ELMO1: variants seen among roughly 807,000 people sequenced by gnomAD.
ELMO1 encodes engulfment and cell motility protein 1.
ELMO1 carries 26 observed loss-of-function variants against 98.9 expected under a neutral mutation model. The observed-to-expected ratio is 0.26, with a 90% CI of 0.19 to 0.36. ELMO1 has a LOEUF of 0.36. Ranked by LOEUF, ELMO1 falls within the 10% of genes least tolerant of loss-of-function variation. The probability of loss-of-function intolerance (pLI) is 1.00; values close to 1 mark genes in which losing one functional copy is unlikely to be tolerated. For missense variants in ELMO1, 627 were observed against 935.2 expected, an observed-to-expected ratio of 0.67 and a Z score of 4.30; for synonymous variants, 346 against 346.0, an observed-to-expected ratio of 1.00 and a Z score of 0.00.
chr7:37,434,161 T>C (rs1431918584), intron 1 of ELMO1, among the ~76,000 whole-genome samples: 3 of 152,214 alleles, frequency 2.0e-5, no homozygotes, highest in Non-Finnish European at 2.9e-5. Flanking sequence ...GGTTCAAACC[T>C]GGGCGATAAG....
intron 2 of ELMO1, among the ~76,000 whole-genome samples, chr7:37,338,134 C>G (rs1452566689): frequency 6.6e-6 from 1 of 152,160 alleles, no homozygotes; most frequent in African/African-American, 2.4e-5. Context: ...ATTGAGGAAT[C>G]ACTCTAAGCT....
intron 6 of ELMO1, among the ~76,000 whole-genome samples, chr7:37,249,049 T>C (rs1795175660): frequency 6.6e-6 from 1 of 152,238 alleles, no homozygotes; most frequent in African/African-American, 2.4e-5. Context: ...CAGCCCTCAG[T>C]AACGTACATT....
At chr7:37,432,700 C>A (rs917806692) in intron 1 of ELMO1, among the ~76,000 whole-genome samples, 1 of 152,202 alleles carries the variant, frequency 6.6e-6, no homozygotes, top group Non-Finnish European at 1.5e-5. Context: ...AAATCCCAAC[C>A]CCCAATGTGT....
intron 1 of ELMO1, among the ~76,000 whole-genome samples, chr7:37,365,949 A>G (rs1309419476): frequency 6.6e-6 from 1 of 152,228 alleles, no homozygotes; most frequent in African/African-American, 2.4e-5. Context: ...CTACATTAAT[A>G]AGAAAATATC....
intron 13 of ELMO1, among the ~76,000 whole-genome samples, chr7:37,154,911 G>C (rs987853871): frequency 6.6e-6 from 1 of 152,302 alleles, no homozygotes; most frequent in African/African-American, 2.4e-5. Context: ...GGCAGCCAGA[G>C]AGAAAGGTCA....
At chr7:36,947,877 C>G (rs1260224147) in intron 16 of ELMO1, among the ~76,000 whole-genome samples, 1 of 152,164 alleles carries the variant, frequency 6.6e-6, no homozygotes, top group Non-Finnish European at 1.5e-5. Flanking sequence ...GATTCTTTTC[C>G]TGGCTGACTC....
chr7:37,098,906 C>T (rs1010877453), intron 14 of ELMO1, among the ~76,000 whole-genome samples: 1 of 152,198 alleles, frequency 6.6e-6, no homozygotes, highest in Admixed American at 6.5e-5. Flanking sequence ...TTTTCCTCGG[C>T]TCCCAGCTTC....
intron 1 of ELMO1, among the ~76,000 whole-genome samples, chr7:37,347,742 T>C (rs1227196871): frequency 6.6e-6 from 1 of 152,112 alleles, no homozygotes; most frequent in Non-Finnish European, 1.5e-5. Flanking sequence ...ATTAGCAGCA[T>C]GCAAACGGAC....
intron 16 of ELMO1, among the ~76,000 whole-genome samples, chr7:36,937,511 C>A (rs576320978): frequency 6.6e-6 from 1 of 152,200 alleles, no homozygotes; most frequent in Non-Finnish European, 1.5e-5. Context: ...AACTATGAGA[C>A]CATAATTTCC....
At chr7:36,897,795 A>G (rs1806160937) in intron 16 of ELMO1, among the ~76,000 whole-genome samples, 1 of 152,260 alleles carries the variant, frequency 6.6e-6, no homozygotes. Context: ...ATGCAAGAAT[A>G]CATAAGTAGA....
intron 16 of ELMO1, among the ~76,000 whole-genome samples, chr7:36,908,153 AATG>A (rs1245810664): frequency 1.3e-5 from 2 of 152,230 alleles, no homozygotes; most frequent in Non-Finnish European, 2.9e-5. Flanking sequence ...CACCTCTGAC[AATG>A]ATGTGCTGGT....
At chr7:37,265,564 G>C (rs1490950224) in intron 5 of ELMO1, among the ~76,000 whole-genome samples, 1 of 151,982 alleles carries the variant, frequency 6.6e-6, no homozygotes. Context: ...TCCCTGTCCA[G>C]CCCTGCATGG....
At chr7:37,320,830 C>A (rs6965404) in intron 2 of ELMO1, among the ~76,000 whole-genome samples, 48,538 of 151,642 alleles carry the variant, frequency 0.32, 8,172 homozygotes, top group East Asian at 0.56. Context: ...ACAACAACAA[C>A]AAAAAAAGCC....
intron 14 of ELMO1, among the ~76,000 whole-genome samples, chr7:37,130,757 TTG>T (rs10649292): frequency 0.065 from 9,822 of 150,692 alleles, 324 homozygotes; most frequent in African/African-American, 0.091. Flanking sequence ...ATACATGTGT[TTG>T]TGTGTGTGTG....
intron 1 of ELMO1, among the ~76,000 whole-genome samples, chr7:37,419,933 A>G (rs183168268): frequency 6.6e-6 from 1 of 152,356 alleles, no homozygotes; most frequent in Admixed American, 6.5e-5. Flanking sequence ...GTTTTCACTT[A>G]TATGCATTTT....
chr7:37,441,338 G>A (rs1458264433), intron 1 of ELMO1, among the ~76,000 whole-genome samples: 1 of 152,130 alleles, frequency 6.6e-6, no homozygotes, highest in Non-Finnish European at 1.5e-5. Context: ...AAGGCTGACA[G>A]ATAATTACAT....
intron 16 of ELMO1, among the ~76,000 whole-genome samples, chr7:36,995,654 G>C (rs1283304477): frequency 6.6e-6 from 1 of 151,912 alleles, no homozygotes; most frequent in Non-Finnish European, 1.5e-5. Flanking sequence ...TTCTGAATGA[G>C]TAAAAAAAAT....
At chr7:37,364,133 G>A (rs537828800) in intron 1 of ELMO1, among the ~76,000 whole-genome samples, 11 of 152,110 alleles carry the variant, frequency 7.2e-5, no homozygotes, top group Non-Finnish European at 1.0e-4. Flanking sequence ...CCCCATACCT[G>A]GGCCAATATA....
At chr7:36,898,702 C>T (rs575642279) in intron 16 of ELMO1, among the ~76,000 whole-genome samples, 1 of 152,342 alleles carries the variant, frequency 6.6e-6, no homozygotes, top group Non-Finnish European at 1.5e-5. Flanking sequence ...TGTCTAATCA[C>T]TTCTCCCATC....
Sources: allele counts gnomAD v4.1 joint callset (sites outside exome capture counted in the v4.1 genomes callset), GRCh38; gene constraint gnomAD v4.1.1; transcripts MANE v1.5; gene names NCBI Gene and HGNC (gene_info 2026-07-23, HGNC 2026-07-21).